PLTP: variants seen among roughly 807,000 people sequenced by gnomAD.
PLTP encodes the protein BPI fold containing family E.
PLTP carries 43 observed loss-of-function variants against 54.1 expected under a neutral mutation model. The ratio of observed to expected loss-of-function variants is 0.79; its 90% confidence interval spans 0.62 to 1.02. The LOEUF (loss-of-function observed/expected upper bound fraction) is 1.02, where lower values mean the gene tolerates loss of function less well. Among genes scored for constraint, PLTP ranks in the 50% least tolerant of loss-of-function variants. The pLI, the probability that PLTP is intolerant of heterozygous loss-of-function variation, is 0.00. For synonymous variants in PLTP, 263 were observed against 264.6 expected (o/e 0.99, Z 0.06); for missense variants, 604 against 645.9 (o/e 0.94, Z 0.70).
chr20:45,904,989 TCTCCATGG>T lies in PLTP; in HGVS notation c.827_834del (p.Ala276GlufsTer42). On this transcript the variant is annotated frameshift_variant, in exon 9 of 16. Transcript: ENST00000372431. LOFTEE classifies it high-confidence loss of function. ...TGCAGGGCCCCCGCCCGGAAGTAGC[TCTCCATGG>T]CAGAGTCGAAGAAGAACTCAGAGAA... 1.2e-6 allele frequency: 2 copies of T among 1,614,064 alleles called. No homozygotes were observed. Among genetic ancestry groups the T allele is most frequent in the South Asian group, 2.2e-5 (2 of 91,068 alleles).
intron 8 of PLTP, among the ~76,000 whole-genome samples, chr20:45,905,959 G>T (rs1045332609): frequency 2.0e-5 from 3 of 152,180 alleles, no homozygotes; most frequent in African/African-American, 7.2e-5. Context: ...CAGCTCCTTC[G>T]GGGGAGTTGG....
intron 3 of PLTP, chr20:45,910,847 T>C: frequency 7.8e-7 from 1 of 1,286,646 alleles, no homozygotes; most frequent in Non-Finnish European, 9.9e-7. Context: ...CACTCTCATC[T>C]ATTGGGAAGT....
At chr20:45,909,797 A>G in intron 4 of PLTP, 126 bp from the exon 5 acceptor site, 5 of 1,410,870 alleles carry the variant, frequency 3.5e-6, no homozygotes, top group Non-Finnish European at 5.0e-6. Flanking sequence ...CTTCCTATCA[A>G]CTCGTATGAA....
intron 3 of PLTP, 93 bp downstream of exon 3, chr20:45,911,059 A>C (rs964660768): frequency 3.8e-5 from 61 of 1,609,980 alleles, no homozygotes; most frequent in Non-Finnish European, 5.1e-5. Context: ...CATCCCACTC[A>C]GCCTCCAGTC....
intron 9 of PLTP, 35 bp from the exon 10 acceptor site, chr20:45,904,894 C>G (rs1245562947): frequency 6.2e-7 from 1 of 1,614,184 alleles, no homozygotes; most frequent in Admixed American, 1.7e-5. Context: ...GGAGTGAGCT[C>G]TGTCACAGAC....
rs979098778 is a variant in PLTP at position 45,906,158 on chromosome 20, T to C, written c.705+110A>G. 2.4e-5 allele frequency: 18 copies of C among 761,926 alleles called. No homozygotes were observed. In the African/African-American group the frequency reaches 2.9e-4, roughly 12 times the overall value. The allele number at this position is 761,926 out of a possible 1,614,324, so 47.2% of individuals were successfully genotyped here. On this transcript the variant is annotated intron_variant, in intron 8 of 15. Coordinates refer to ENST00000372431, the MANE Select transcript of PLTP (RefSeq NM_006227.4). ...CAGGGAGCCATAGCATTCTCAGTAA[T>C]GGGAGTGGCCTCATCAGAGCTGTGC...
rs569236823 is a variant in PLTP, at chr20:45,909,769, C to A, written c.330-98G>T. On this transcript the variant is annotated intron_variant, in intron 4 of 15. Transcript: ENST00000372431. Reference sequence around the variant, plus strand: ...CCTCTTAATAAGGTTTCACCTCTTTCCACACATCCTACCAAACCTTCCTAT... The same window carrying A: ...CCTCTTAATAAGGTTTCACCTCTTTACACACATCCTACCAAACCTTCCTAT... 9.7e-5 allele frequency: 144 copies of A among 1,480,394 alleles called. 1 individual carries two copies. In the South Asian group the frequency reaches 1.4e-3, roughly 15 times the overall value. 91.7% of individuals were successfully genotyped at this position (1,480,394 alleles called of 1,614,324 possible). A position where few individuals can be genotyped will look rare whatever the true frequency, so the allele number is the denominator to read the frequency against.
chr20:45,906,660 C>T (rs980993000), intron 7 of PLTP, among the ~76,000 whole-genome samples: 1 of 151,928 alleles, frequency 6.6e-6, no homozygotes. Context: ...GAGGTCAAGG[C>T]GGGCGGATCA....
intron 10 of PLTP, among the ~76,000 whole-genome samples, chr20:45,903,230 G>T (rs1265220904): frequency 7.0e-6 from 1 of 142,880 alleles, no homozygotes; most frequent in Admixed American, 6.9e-5. Flanking sequence ...TTGAGACAGG[G>T]TCTCTGTTGC....
chr20:45,899,989 T>G (rs1477367243), intron 12 of PLTP, 111 bp from the exon 13 acceptor site: 1 of 880,808 alleles, frequency 1.1e-6, no homozygotes, highest in Admixed American at 2.0e-5. Flanking sequence ...GATGCCCACC[T>G]AGGCACCTTT....
Position 45,909,986 on chromosome 20 carries a change from G to A in PLTP, c.285C>T (p.Ala95=), listed in dbSNP as rs767089679. The A allele has an allele frequency of 1.9e-6, 3 of 1,614,124 alleles. No homozygotes were observed. The highest frequency in any genetic ancestry group is 1.7e-5 in the Admixed American group (1 of 60,018). ...QQELMLQITN[A]SLGLRFRRQL... ...GTCTCCGGAAGCGCAGCCCCAAGGA[G>A]GCATTGGTGATTTGAAGCATCAGCT... The change falls in exon 4 of 16, where the codon GCC becomes GCT. Residue 95 remains alanine (A), a synonymous_variant. Coordinates refer to ENST00000372431, the MANE Select transcript of PLTP (RefSeq NM_006227.4).
At position 45,899,412 on chromosome 20, in the gene PLTP, A is replaced by G. The variant is rs781512291; in HGVS notation, c.1359+50T>C. 5.1e-6 allele frequency: 8 copies of G among 1,582,866 alleles called. No homozygotes were observed. The South Asian group carries it at 8.9e-5, about 18-fold the overall frequency. Reference sequence around the variant, plus strand: ...AGGTAATGGAGGGCACTGGGGAGCTATAGAGAGAGGGGAAGGCCCTCCCTC... The same window carrying G: ...AGGTAATGGAGGGCACTGGGGAGCTGTAGAGAGAGGGGAAGGCCCTCCCTC... On this transcript the variant is annotated intron_variant, in intron 15 of 15. Coordinates refer to ENST00000372431, the MANE Select transcript of PLTP (RefSeq NM_006227.4).
intron 5 of PLTP, 85 bp downstream of exon 5, chr20:45,909,431 C>T (rs1001580285): frequency 3.4e-6 from 5 of 1,486,214 alleles, no homozygotes; most frequent in Non-Finnish European, 4.7e-6. Flanking sequence ...TGGTCTGATT[C>T]CCAGGCCTAT....
intron 11 of PLTP, 22 bp from the exon 12 acceptor site, chr20:45,902,356 G>A: frequency 6.2e-7 from 1 of 1,614,108 alleles, no homozygotes; most frequent in South Asian, 1.1e-5. Context: ...TGGGGAGGAG[G>A]ATGTTACTGA....
Position 45,903,676 on chromosome 20 carries a change from C to T in PLTP, c.943-1072G>A, listed in dbSNP as rs561136393. ...AAACCTCATAATAACCATGTGAGGC[C>T]GATATTATTACTGCCAATTTTGTTG... On this transcript the variant is annotated intron_variant, in intron 10 of 15. Coordinates refer to ENST00000372431, the MANE Select transcript of PLTP (RefSeq NM_006227.4). Among the ~76,000 whole-genome samples, 5 of 152,128 alleles carry T rather than the reference C, an allele frequency of 3.3e-5. No individual in the cohort carries two copies. In the South Asian group the frequency reaches 6.2e-4, roughly 19 times the overall value.
rs1009934372 is a variant in PLTP, at chr20:45,902,534, T to A, written c.1013A>T (p.Lys338Met). 4 of 1,614,010 alleles carry A rather than the reference T, an allele frequency of 2.5e-6. No individual in the cohort carries two copies. The African/African-American group carries it at 5.3e-5, about 22-fold the overall frequency. The change falls in exon 11 of 16, where the codon AAG (lysine) becomes ATG (methionine). Residue 338 changes from lysine (K) to methionine (M), a missense_variant. Physicochemically the swap from Lys to Met is moderately conservative, Grantham distance 95. Coordinates refer to ENST00000372431, the MANE Select transcript of PLTP (RefSeq NM_006227.4). ...GACAGAGATGGTGGTGCCAGAGGGC[T>A]TGATGGTGCAGCGCGGTGGGGCCAG... ...RVLAPPRCTI[K>M]PSGTTISVTA...
chr20:45,906,311 T>C lies in PLTP; in HGVS notation c.662A>G (p.Lys221Arg). 1.9e-6 allele frequency: 3 copies of C among 1,614,078 alleles called. No individual in the cohort carries two copies. Among genetic ancestry groups the C allele is most frequent in the Non-Finnish European group, 2.5e-6 (3 of 1,179,962 alleles). Residue 221 changes from lysine (K) to arginine (R), a missense_variant, in exon 8 of 16, where the codon AAG (lysine) becomes AGG (arginine). Transcript: ENST00000372431. ...GTTGCTGGTGGAAGCCACAGGATCC[T>C]TCATGAGGGAATAGTCAATGCCAAC... ...ELVGIDYSLMKDPVASTSNLD... is the reference protein window; with the variant it reads ...ELVGIDYSLMRDPVASTSNLD...
intron 12 of PLTP, among the ~76,000 whole-genome samples, 182 bp from the exon 13 acceptor site, chr20:45,900,060 T>C (rs1245302065): frequency 6.6e-6 from 1 of 151,650 alleles, no homozygotes; most frequent in African/African-American, 2.4e-5. Flanking sequence ...TGGGTCTCCT[T>C]TTCTCCAAGA....
intron 13 of PLTP, 24 bp downstream of exon 13, chr20:45,899,812 G>GCCCCCCCCCC: frequency 3.2e-6 from 1 of 309,344 alleles, no homozygotes; most frequent in Non-Finnish European, 6.2e-6. Context: ...ACCCAGCCCA[G>GCCCCCCCCCC]CCCACCCACC....
Sources: gnomAD v4.1 joint callset for allele counts (sites outside exome capture counted in the v4.1 genomes callset) on GRCh38, gnomAD v4.1.1 for gene constraint, MANE v1.5 for transcripts, NCBI Gene and HGNC (gene_info 2026-07-23, HGNC 2026-07-21) for gene names.